The following STYXL1 variants were observed in gnomAD, a reference collection of about 807,000 sequenced individuals.
STYXL1 encodes the protein serine/threonine/tyrosine interacting like 1.
Under a neutral mutation model 36.4 loss-of-function variants are expected in STYXL1, and 32 were observed. The observed-to-expected ratio is 0.88, with a 90% CI of 0.66 to 1.18. The LOEUF is 1.18. Ranked by LOEUF, STYXL1 falls within the 50% of genes most tolerant of loss-of-function variation. The pLI is 0.00. For missense variants in STYXL1, 354 were observed against 394.1 expected, an observed-to-expected ratio of 0.90 and a Z score of 0.86; for synonymous variants, 133 against 144.1, an observed-to-expected ratio of 0.92 and a Z score of 0.55.
At chr7:76,001,178 G>T (rs1554567096) in intron 7 of STYXL1, among the ~76,000 whole-genome samples, 176 bp from the exon 8 acceptor site, 1 of 152,200 alleles carries the variant, frequency 6.6e-6, no homozygotes. Flanking sequence ...TCTAGCAAGT[G>T]GGCATCCCTC....
At chr7:76,001,792 A>ATTTT (rs71082373) in intron 7 of STYXL1, among the ~76,000 whole-genome samples, 4 of 96,912 alleles carry the variant, frequency 4.1e-5, no homozygotes, top group African/African-American at 8.5e-5. Flanking sequence ...ACTGCGCCTG[A>ATTTT]TTTTTTTTTT....
chr7:76,013,395 G>A (rs1414916726), intron 5 of STYXL1, among the ~76,000 whole-genome samples: 3 of 151,470 alleles, frequency 2.0e-5, no homozygotes, highest in African/African-American at 7.3e-5. Context: ...GGGCTGCCAG[G>A]AGTCCAGATC....
chr7:76,021,143 T>A (rs1418239924), intron 4 of STYXL1, among the ~76,000 whole-genome samples: 1 of 151,236 alleles, frequency 6.6e-6, no homozygotes, highest in African/African-American at 2.4e-5. Context: ...AGTGGCGTGA[T>A]CTCCGCTCAC....
chr7:76,032,226 C>CT (rs1389589660), intron 1 of STYXL1, among the ~76,000 whole-genome samples: 3 of 141,620 alleles, frequency 2.1e-5, no homozygotes, highest in African/African-American at 8.8e-5. Context: ...GACCCCATCT[C>CT]TAAAAAAAAA....
chr7:76,033,853 C>T (rs1352391826), intron 1 of STYXL1, among the ~76,000 whole-genome samples: 1 of 152,208 alleles, frequency 6.6e-6, no homozygotes, highest in Non-Finnish European at 1.5e-5. Flanking sequence ...TGGAGTCAAA[C>T]TCTTTTAGGT....
intron 5 of STYXL1, among the ~76,000 whole-genome samples, chr7:76,009,032 C>T (rs542058370): frequency 6.6e-6 from 1 of 151,758 alleles, no homozygotes; most frequent in South Asian, 2.1e-4. Context: ...ACAAAAAAAA[C>T]CCCACAAAAA....
intron 1 of STYXL1, among the ~76,000 whole-genome samples, chr7:76,046,335 T>C (rs1306904770): frequency 0.019 from 358 of 18,924 alleles, 2 homozygotes; most frequent in African/African-American, 0.059. Flanking sequence ...TGTGTGTGTG[T>C]GTGTGCGCGC....
At chr7:76,004,798 G>T (rs1262940981) in intron 6 of STYXL1, among the ~76,000 whole-genome samples, 7 of 151,988 alleles carry the variant, frequency 4.6e-5, no homozygotes, top group Non-Finnish European at 1.0e-4. Context: ...TCAGGTGATC[G>T]AGACCATCCT....
Position 76,032,380 on chromosome 7 carries a change from CAG to C in STYXL1, c.-4-1855_-4-1854del, listed in dbSNP as rs1244013031. Among the ~76,000 whole-genome samples, 9 of 131,048 alleles carry C rather than the reference CAG, an allele frequency of 6.9e-5. No homozygotes were observed. In the East Asian group the frequency reaches 2.0e-3, roughly 29 times the overall value. 86.0% of individuals were successfully genotyped at this position (131,048 alleles called of 152,430 possible). A position where few individuals can be genotyped will look rare whatever the true frequency, so the allele number is the denominator to read the frequency against. On this transcript the variant is annotated intron_variant, in intron 1 of 8. Coordinates refer to ENST00000359697, the MANE Select transcript of STYXL1 (RefSeq NM_001317785.2). ...CACCACCACAATCCCGTCTGGGCAA[CAG>C]AGTGAGACCCTGTCTTGAAAAAAAA...
intron 3 of STYXL1, among the ~76,000 whole-genome samples, chr7:76,026,171 G>A (rs1794683949): frequency 1.1e-5 from 1 of 89,684 alleles, no homozygotes; most frequent in Non-Finnish European, 2.1e-5. Context: ...CAGCCTGGAG[G>A]ACAGAGCAAG....
chr7:76,016,934 C>CAT (rs1793444408), intron 4 of STYXL1, among the ~76,000 whole-genome samples: 1 of 152,174 alleles, frequency 6.6e-6, no homozygotes, highest in South Asian at 2.1e-4. Flanking sequence ...TACCTGCACC[C>CAT]ATATGTTCAC....
At chr7:75,997,597 A>G (rs1357198424) in intron 8 of STYXL1, among the ~76,000 whole-genome samples, 1 of 152,192 alleles carries the variant, frequency 6.6e-6, no homozygotes, top group African/African-American at 2.4e-5. Context: ...TAGTCCTAGA[A>G]GTCCTAGCCA....
rs1554566893 is a variant in STYXL1 at position 76,000,889 on chromosome 7, C to G, written c.810+1G>C. On this transcript the variant is annotated splice_donor_variant, in intron 8 of 8. Transcript: ENST00000359697. LOFTEE classifies it high-confidence loss of function. ...GCGAGCCTGGCCCGGGGAACGCATA[C>G]CTGCAAGGTCTGCTCGTTACTATGC... 1.2e-6 allele frequency: 2 copies of G among 1,613,706 alleles called. No homozygotes were observed. The highest frequency in any genetic ancestry group is 3.3e-5 in the Admixed American group (2 of 60,020).
At chr7:76,030,691 G>C (rs560883201) in intron 1 of STYXL1, among the ~76,000 whole-genome samples, 164 bp from the exon 2 acceptor site, 5 of 152,112 alleles carry the variant, frequency 3.3e-5, no homozygotes, top group African/African-American at 1.2e-4. Flanking sequence ...GTGAAATATA[G>C]TGCGCAGAGG....
intron 5 of STYXL1, among the ~76,000 whole-genome samples, chr7:76,009,820 G>C (rs1487880763): frequency 6.6e-6 from 1 of 152,088 alleles, no homozygotes; most frequent in African/African-American, 2.4e-5. Flanking sequence ...AAAGTGCTAG[G>C]ATTCCAAGCT....
chr7:76,038,850 G>A (rs1018069637), intron 1 of STYXL1, among the ~76,000 whole-genome samples: 1 of 149,108 alleles, frequency 6.7e-6, no homozygotes, highest in East Asian at 1.9e-4. Flanking sequence ...GCAGTGGCGC[G>A]ATCGTCACTC....
chr7:76,039,946 C>T (rs1380971691), intron 1 of STYXL1, among the ~76,000 whole-genome samples: 1 of 152,192 alleles, frequency 6.6e-6, no homozygotes, highest in Non-Finnish European at 1.5e-5. Flanking sequence ...GGCGCCTGGC[C>T]TCCATCGCTA....
At chr7:76,005,868 A>AGAGAGAGGAGGAAGAGAGAGGAG (rs1791646395) in intron 5 of STYXL1, among the ~76,000 whole-genome samples, 1 of 23,324 alleles carries the variant, frequency 4.3e-5, no homozygotes, top group Non-Finnish European at 1.2e-4. Flanking sequence ...GAGAGGAGGA[A>AGAGAGAGGAGGAAGAGAGAGGAG]GAGAGAGGAG....
At chr7:76,005,004 AAATAAT>A (rs1341021440) in intron 6 of STYXL1, among the ~76,000 whole-genome samples, 2 of 152,062 alleles carry the variant, frequency 1.3e-5, no homozygotes, top group Non-Finnish European at 2.9e-5. Flanking sequence ...CCGTCTCAAA[AAATAAT>A]AATAATAAAA....
Sources: allele counts gnomAD v4.1 joint callset (sites outside exome capture counted in the v4.1 genomes callset), GRCh38; gene constraint gnomAD v4.1.1; transcripts MANE v1.5; gene names NCBI Gene and HGNC (gene_info 2026-07-23, HGNC 2026-07-21).